The following DNAH17 variants were observed in gnomAD, a reference collection of about 807,000 sequenced individuals.
DNAH17 encodes the protein dynein axonemal heavy chain 17.
DNAH17 carries 376 observed loss-of-function variants against 485.6 expected under a neutral mutation model. The observed-to-expected ratio is 0.77, with a 90% CI of 0.71 to 0.84. DNAH17 has a LOEUF of 0.84. DNAH17 is among the 40% of genes least tolerant of loss of function. DNAH17 has a pLI of 0.00. For synonymous variants in DNAH17, 3,031 were observed against 2,405.9 expected (o/e 1.26, Z -7.60); for missense variants, 6,370 against 5,839.3 (o/e 1.09, Z -2.96).
chr17:78,431,555 T>A (rs534237366), intron 75 of DNAH17, among the ~76,000 whole-genome samples: 1 of 151,958 alleles, frequency 6.6e-6, no homozygotes, highest in African/African-American at 2.4e-5. Context: ...GACTTTTGTG[T>A]TCCGTTCGCA....
At chr17:78,502,451 G>A (rs759941690) in intron 33 of DNAH17, 140 bp downstream of exon 33, 27 of 763,606 alleles carry the variant, frequency 3.5e-5, no homozygotes, top group Middle Eastern at 2.4e-4. Flanking sequence ...CTGTGGAAAC[G>A]ACGGTTTTGC....
intron 34 of DNAH17, 115 bp from the exon 35 acceptor site, chr17:78,501,459 G>C (rs1273436898): frequency 3.0e-6 from 4 of 1,314,396 alleles, no homozygotes; most frequent in Non-Finnish European, 4.1e-6. Flanking sequence ...ACCCTCCCTG[G>C]CCCTCTTTCC....
chr17:78,498,512 C>T (rs1598590460), intron 37 of DNAH17, among the ~76,000 whole-genome samples: 2 of 152,330 alleles, frequency 1.3e-5, no homozygotes, highest in East Asian at 3.9e-4. Flanking sequence ...GGGTGGGGCG[C>T]TGGCCCAGGC....
Position 78,495,004 on chromosome 17 carries a change from C to A in DNAH17, c.5997G>T (p.Lys1999Asn), listed in dbSNP as rs773057825. 1.2e-6 allele frequency: 2 copies of A among 1,613,210 alleles called. No individual in the cohort carries two copies. The highest frequency in any genetic ancestry group is 3.3e-5 in the Admixed American group (2 of 59,932). Residue 1999 changes from lysine (K) to asparagine (N), a missense_variant, in exon 39 of 81, where the codon AAG becomes AAT. Physicochemically the swap from Lys to Asn is moderately conservative, Grantham distance 94. Coordinates refer to ENST00000389840, the MANE Select transcript of DNAH17 (RefSeq NM_173628.4). ...GFLEARLLAR[K>N]FITLYTLCKE... ...TGCACAAGGTGTACAGGGTGATGAACTTCCTGGCCAGAAGGCGGGCTTCCA... is the reference window on the plus strand; with the variant it reads ...TGCACAAGGTGTACAGGGTGATGAAATTCCTGGCCAGAAGGCGGGCTTCCA...
chr17:78,518,626 G>C (rs1228058333), intron 25 of DNAH17, among the ~76,000 whole-genome samples: 1 of 152,126 alleles, frequency 6.6e-6, no homozygotes, highest in Non-Finnish European at 1.5e-5. Context: ...TAAAAGGACA[G>C]AACAACACAA....
intron 13 of DNAH17, among the ~76,000 whole-genome samples, chr17:78,559,283 C>T (rs956922307): frequency 1.3e-5 from 2 of 152,232 alleles, no homozygotes; most frequent in Non-Finnish European, 2.9e-5. Context: ...CAGCTCCTCT[C>T]TTTGGATGTC....
At chr17:78,499,971 C>T in intron 36 of DNAH17, 1 of 243,000 alleles carries the variant, frequency 4.1e-6, no homozygotes, top group Non-Finnish European at 8.1e-6. Flanking sequence ...GCTTGTACCC[C>T]ACCCCATGCT....
intron 14 of DNAH17, among the ~76,000 whole-genome samples, chr17:78,554,344 C>T (rs539566683): frequency 5.0e-5 from 7 of 140,214 alleles, no homozygotes; most frequent in South Asian, 4.6e-4. Context: ...GGCCAAGGTG[C>T]GAGAATCGCT....
chr17:78,442,479 C>CTAGA (rs2146463458), intron 71 of DNAH17, among the ~76,000 whole-genome samples: 1 of 152,336 alleles, frequency 6.6e-6, no homozygotes, highest in African/African-American at 2.4e-5. Context: ...GCCTCAGACC[C>CTAGA]TAGATGCTGT....
intron 65 of DNAH17, among the ~76,000 whole-genome samples, chr17:78,453,067 C>T (rs923092431): frequency 6.6e-6 from 1 of 152,192 alleles, no homozygotes. Flanking sequence ...TGCCTAAGAA[C>T]AGAATGAAGA....
chr17:78,461,386 A>T (rs1329071807), intron 58 of DNAH17, among the ~76,000 whole-genome samples, 158 bp downstream of exon 58: 1 of 151,368 alleles, frequency 6.6e-6, no homozygotes, highest in African/African-American at 2.4e-5. Context: ...CCTGGGAGAG[A>T]CTCCTTCGGG....
intron 74 of DNAH17, among the ~76,000 whole-genome samples, chr17:78,436,210 T>C (rs1275897274): frequency 6.6e-6 from 1 of 152,192 alleles, no homozygotes; most frequent in East Asian, 1.9e-4. Context: ...GTGGATCACC[T>C]GAGGTGAGGA....
intron 9 of DNAH17, among the ~76,000 whole-genome samples, chr17:78,567,641 T>C (rs1380690653): frequency 6.6e-6 from 1 of 152,136 alleles, no homozygotes; most frequent in South Asian, 2.1e-4. Flanking sequence ...AGAAAGCGGC[T>C]GGAATGCTTG....
intron 15 of DNAH17, among the ~76,000 whole-genome samples, chr17:78,552,409 T>A (rs2091921806): frequency 6.6e-6 from 1 of 151,798 alleles, no homozygotes; most frequent in Admixed American, 6.6e-5. Context: ...AAACCAACAG[T>A]GGAAACTGGG....
intron 73 of DNAH17, among the ~76,000 whole-genome samples, chr17:78,438,307 G>A (rs1228530178): frequency 1.3e-5 from 2 of 149,200 alleles, no homozygotes; most frequent in Non-Finnish European, 3.0e-5. Flanking sequence ...GCGGTAGTGA[G>A]AAGGGGTCTT....
At chr17:78,431,167 C>T (rs1297498562) in intron 75 of DNAH17, among the ~76,000 whole-genome samples, 1 of 148,870 alleles carries the variant, frequency 6.7e-6, no homozygotes, top group African/African-American at 2.5e-5. Flanking sequence ...GCTTGGGCCA[C>T]TGCACTCGGC....
At chr17:78,484,382 G>T (rs1412860736) in intron 48 of DNAH17, among the ~76,000 whole-genome samples, 1 of 152,072 alleles carries the variant, frequency 6.6e-6, no homozygotes, top group Non-Finnish European at 1.5e-5. Flanking sequence ...AGGTCCCACA[G>T]CCAGCAGGAC....
At chr17:78,561,019 T>C in intron 12 of DNAH17, 84 bp from the exon 13 acceptor site, 1 of 1,372,436 alleles carries the variant, frequency 7.3e-7, no homozygotes, top group Non-Finnish European at 9.9e-7. Context: ...CTGCCCGATC[T>C]GGGGTGCCGA....
chr17:78,538,546 G>A (rs2091439096), intron 18 of DNAH17, among the ~76,000 whole-genome samples: 1 of 152,194 alleles, frequency 6.6e-6, no homozygotes, highest in Non-Finnish European at 1.5e-5. Context: ...GTATCTGAGT[G>A]AGGTGCTAAT....
Sources: allele counts gnomAD v4.1 joint callset (sites outside exome capture counted in the v4.1 genomes callset), GRCh38; gene constraint gnomAD v4.1.1; transcripts MANE v1.5; gene names NCBI Gene and HGNC (gene_info 2026-07-23, HGNC 2026-07-21).